SLC41A3: variants seen among roughly 807,000 people sequenced by gnomAD.
SLC41A3 encodes SLC41A1-like 2.
Under a neutral mutation model 45.4 loss-of-function variants are expected in SLC41A3, and 44 were observed. The observed-to-expected ratio is 0.97, with a 90% CI of 0.76 to 1.25. SLC41A3 has a LOEUF of 1.25. Among genes scored for constraint, SLC41A3 ranks in the 50% most tolerant of loss-of-function variants. The probability of loss-of-function intolerance (pLI) is 0.00; values close to 1 mark genes in which losing one functional copy is unlikely to be tolerated. For synonymous variants in SLC41A3, 256 were observed against 252.4 expected, an observed-to-expected ratio of 1.01 and a Z score of -0.13; for missense variants, 550 against 600.6, an observed-to-expected ratio of 0.92 and a Z score of 0.88.
chr3:126,058,454 C>T (rs927594908), intron 2 of SLC41A3, among the ~76,000 whole-genome samples: 1 of 152,172 alleles, frequency 6.6e-6, no homozygotes, highest in African/African-American at 2.4e-5. Flanking sequence ...CTGCCTCTCC[C>T]AAGTGGCCTG....
intron 8 of SLC41A3, among the ~76,000 whole-genome samples, chr3:126,014,804 C>T (rs894783794): frequency 1.3e-5 from 2 of 152,234 alleles, no homozygotes; most frequent in African/African-American, 4.8e-5. Context: ...TAACTGATCA[C>T]TTCCATTTAC....
At chr3:126,066,527 C>T (rs1222262767) in intron 2 of SLC41A3, among the ~76,000 whole-genome samples, 1 of 152,102 alleles carries the variant, frequency 6.6e-6, no homozygotes, top group Non-Finnish European at 1.5e-5. Flanking sequence ...TGGCAGATTA[C>T]TAAAGATCAA....
chr3:126,048,137 C>T (rs1367237641), intron 3 of SLC41A3, among the ~76,000 whole-genome samples: 2 of 152,146 alleles, frequency 1.3e-5, no homozygotes, highest in Non-Finnish European at 2.9e-5. Context: ...TGCTCACCAT[C>T]ACTAGTTATT....
At chr3:126,058,162 G>A (rs914821039) in intron 2 of SLC41A3, 1 of 152,318 alleles carries the variant, frequency 6.6e-6, no homozygotes, top group African/African-American at 2.4e-5. Flanking sequence ...CAGAGCAGGC[G>A]GTTCTTCTCA....
intron 3 of SLC41A3, among the ~76,000 whole-genome samples, chr3:126,039,823 C>T (rs1404709337): frequency 6.6e-6 from 1 of 152,200 alleles, no homozygotes; most frequent in Admixed American, 6.5e-5. Context: ...ATTAAGGGAT[C>T]TTATCTGTGG....
chr3:126,057,556 C>T (rs545572798), intron 2 of SLC41A3, among the ~76,000 whole-genome samples: 2 of 152,314 alleles, frequency 1.3e-5, no homozygotes, highest in East Asian at 1.9e-4. Flanking sequence ...CTAGGCCTCA[C>T]TTCCACTCCC....
At chr3:126,080,693 G>A (rs2108090111) in intron 1 of SLC41A3, among the ~76,000 whole-genome samples, 1 of 152,234 alleles carries the variant, frequency 6.6e-6, no homozygotes, top group East Asian at 1.9e-4. Context: ...GCTCAAGCCT[G>A]TAATCCCAGC....
intron 1 of SLC41A3, among the ~76,000 whole-genome samples, chr3:126,097,909 T>C (rs1284184916): frequency 1.3e-5 from 2 of 152,172 alleles, no homozygotes; most frequent in South Asian, 2.1e-4. Context: ...TACCAGTTCC[T>C]GTAGACTAGT....
intron 3 of SLC41A3, among the ~76,000 whole-genome samples, chr3:126,042,528 A>T (rs934148674): frequency 6.6e-6 from 1 of 152,228 alleles, no homozygotes; most frequent in Non-Finnish European, 1.5e-5. Context: ...AGTGAAACAC[A>T]GTCTAGTCAC....
intron 9 of SLC41A3, among the ~76,000 whole-genome samples, chr3:126,010,745 C>T (rs945751766): frequency 1.3e-5 from 2 of 152,190 alleles, no homozygotes; most frequent in African/African-American, 4.8e-5. Context: ...TGGGGAGCAA[C>T]AACAAGGCAT....
At chr3:126,064,404 C>A (rs992524452) in intron 2 of SLC41A3, among the ~76,000 whole-genome samples, 3 of 152,126 alleles carry the variant, frequency 2.0e-5, no homozygotes, top group Admixed American at 6.5e-5. Context: ...TCTTGCCCCC[C>A]ACATCCCCTG....
At chr3:126,086,288 A>G (rs768537289), upstream of SLC41A3, among the ~76,000 whole-genome samples, 2 of 152,034 alleles carry the variant, frequency 1.3e-5, no homozygotes, top group Non-Finnish European at 2.9e-5. Context: ...TACACTATAG[A>G]GTTCCTAAGT....
At chr3:126,057,422 G>A (rs979814728) in intron 2 of SLC41A3, among the ~76,000 whole-genome samples, 2 of 152,222 alleles carry the variant, frequency 1.3e-5, no homozygotes, top group African/African-American at 4.8e-5. Context: ...TGTTGGGTGT[G>A]TCCTCTGCGC....
At chr3:126,095,756 C>A (rs145109706) in intron 1 of SLC41A3, among the ~76,000 whole-genome samples, 1 of 151,394 alleles carries the variant, frequency 6.6e-6, no homozygotes, top group Non-Finnish European at 1.5e-5. Flanking sequence ...TGCTGCACAA[C>A]GATTCCTATG....
intron 2 of SLC41A3, among the ~76,000 whole-genome samples, chr3:126,062,075 C>T (rs55727518): frequency 0.29 from 44,293 of 152,070 alleles, 7,695 homozygotes; most frequent in East Asian, 0.52. Flanking sequence ...ACAACAGGAC[C>T]TTCAAGGAGG....
chr3:126,089,814 A>T (rs564582262), intron 1 of SLC41A3, among the ~76,000 whole-genome samples: 1 of 152,328 alleles, frequency 6.6e-6, no homozygotes, highest in African/African-American at 2.4e-5. Flanking sequence ...AAAATGGTTT[A>T]CATAGAATCT....
At chr3:126,072,342 T>G (rs1944657619) in intron 1 of SLC41A3, among the ~76,000 whole-genome samples, 1 of 133,776 alleles carries the variant, frequency 7.5e-6, no homozygotes, top group Admixed American at 7.4e-5. Context: ...ATTAGACTGG[T>G]AATAAATGAA....
At position 126,026,159 on chromosome 3, in the gene SLC41A3, G is replaced by A. The variant is rs1358119897; in HGVS notation, c.598+176C>T. 5.5e-6 allele frequency: 5 copies of A among 902,804 alleles called. No homozygotes were observed. In the East Asian group the frequency reaches 1.1e-4, roughly 19 times the overall value. 55.9% of individuals were successfully genotyped at this position (902,804 alleles called of 1,614,324 possible). A position where few individuals can be genotyped will look rare whatever the true frequency, so the allele number is the denominator to read the frequency against. ...CCCTGCCTGGGTGAGGGCACAAGGT[G>A]GGCCATGAAGACCCAGCTGGCTCGT... On this transcript the variant is annotated intron_variant, in intron 5 of 10. Transcript: ENST00000360370. This position sits in a 1 kb window ranked among gnomAD's most constrained non-coding sequence, Gnocchi z 4.2.
intron 3 of SLC41A3, 84 bp downstream of exon 3, chr3:126,050,859 C>T (rs760186165): frequency 4.0e-6 from 6 of 1,482,288 alleles, no homozygotes; most frequent in South Asian, 2.8e-5. Context: ...TCCAACCCAC[C>T]GCCCACAAGC....
Sources: allele counts gnomAD v4.1 joint callset (sites outside exome capture counted in the v4.1 genomes callset), GRCh38; gene constraint gnomAD v4.1.1; non-coding constraint Gnocchi (gnomAD v3.1); transcripts MANE v1.5; gene names NCBI Gene and HGNC (gene_info 2026-07-23, HGNC 2026-07-21).